The following SARNP variants were observed in gnomAD, a reference collection of about 807,000 sequenced individuals.
The protein encoded by SARNP is SAP domain containing ribonucleoprotein.
SARNP carries 5 observed loss-of-function variants against 38.1 expected under a neutral mutation model. That is an observed-to-expected ratio of 0.13 (90% CI 0.07 to 0.28). The LOEUF (loss-of-function observed/expected upper bound fraction) is 0.28, where lower values mean the gene tolerates loss of function less well. SARNP is among the 10% of genes least tolerant of loss of function. The pLI is 1.00. For synonymous variants in SARNP, 84 were observed against 80.6 expected (o/e 1.04, Z -0.23); for missense variants, 180 against 243.9 (o/e 0.74, Z 1.75).
At chr12:55,793,931 TAA>T (rs1000305619) in intron 7 of SARNP, 2 of 180,072 alleles carry the variant, frequency 1.1e-5, no homozygotes, top group African/African-American at 4.8e-5. Context: ...TCCCTGAGGC[TAA>T]GTCTTTATGC....
intron 7 of SARNP, chr12:55,792,535 C>CTTTTTTTTTTTTTT (rs71074859): frequency 6.8e-5 from 7 of 103,188 alleles, no homozygotes; most frequent in Admixed American, 2.5e-4. Flanking sequence ...CCACACCCAG[C>CTTTTTTTTTTTTTT]TTTTTTTTTT....
chr12:55,781,916 A>T (rs552774154), intron 9 of SARNP, among the ~76,000 whole-genome samples: 2 of 152,234 alleles, frequency 1.3e-5, no homozygotes, highest in African/African-American at 4.8e-5. Flanking sequence ...GGGTCTTATT[A>T]TGTTGCCCAG....
At chr12:55,777,431 G>A (rs1158135013) in intron 9 of SARNP, among the ~76,000 whole-genome samples, 1 of 150,860 alleles carries the variant, frequency 6.6e-6, no homozygotes, top group Non-Finnish European at 1.5e-5. Context: ...CTGGAGTGCA[G>A]TGGCACCATC....
downstream of SARNP, chr12:55,756,455 C>G (rs1381858875): frequency 1.3e-5 from 2 of 152,128 alleles, no homozygotes; most frequent in South Asian, 2.1e-4. Context: ...TCATTAAGCA[C>G]AAAACCAGGC....
intron 9 of SARNP, among the ~76,000 whole-genome samples, chr12:55,770,538 C>A (rs541925459): frequency 6.6e-6 from 1 of 151,980 alleles, no homozygotes; most frequent in Admixed American, 6.6e-5. Context: ...CACGCCCAGC[C>A]TATAACTAGA....
At chr12:55,788,874 C>G (rs1053608367) in intron 9 of SARNP, among the ~76,000 whole-genome samples, 3 of 152,096 alleles carry the variant, frequency 2.0e-5, no homozygotes, top group African/African-American at 7.2e-5. Flanking sequence ...GAAAACAATC[C>G]ACGGGAAAAA....
rs558807428 is a variant in SARNP at position 55,770,384 on chromosome 12, G to A, written c.502-9744C>T. The stretch of plus-strand genomic sequence containing the variant: ...GGGACTTACAGGCGCCCACCACCAC[G>A]CCCAGCTAGGTTTTTTTTTTTTTTT... On this transcript the variant is annotated intron_variant, in intron 9 of 10. Coordinates refer to ENST00000336133, the MANE Select transcript of SARNP (RefSeq NM_033082.4). Among the ~76,000 whole-genome samples, 9 of 149,374 alleles carry A rather than the reference G, an allele frequency of 6.0e-5. No homozygotes were observed. The East Asian group carries it at 1.4e-3, about 23-fold the overall frequency.
chr12:55,805,097 A>G (rs1191520509), intron 1 of SARNP, among the ~76,000 whole-genome samples: 2 of 151,892 alleles, frequency 1.3e-5, no homozygotes, highest in African/African-American at 4.8e-5. Flanking sequence ...CCCCGTCTCT[A>G]CTAAAAATAC....
chr12:55,755,782 G>A (rs1033918217), downstream of SARNP: 1 of 130,952 alleles, frequency 7.6e-6, no homozygotes, highest in Non-Finnish European at 1.5e-5. Context: ...GGATGAAAGA[G>A]GTTAATAAGA....
chr12:55,766,772 G>C (rs1286671835), intron 9 of SARNP, among the ~76,000 whole-genome samples: 3 of 152,122 alleles, frequency 2.0e-5, no homozygotes, highest in Non-Finnish European at 4.4e-5. Context: ...ACAGGCGCAA[G>C]CCAACACGCC....
At chr12:55,759,288 T>C (rs1878603555) in intron 10 of SARNP, among the ~76,000 whole-genome samples, 1 of 152,220 alleles carries the variant, frequency 6.6e-6, no homozygotes, top group South Asian at 2.1e-4. Context: ...TCCCTTTTTA[T>C]ACAGAATCGT....
chr12:55,763,663 G>A (rs1298109082), intron 9 of SARNP, among the ~76,000 whole-genome samples: 3 of 152,022 alleles, frequency 2.0e-5, no homozygotes, highest in Non-Finnish European at 4.4e-5. Context: ...ATGTTTCCCA[G>A]GCTAGTCTTG....
chr12:55,790,682 CT>C (rs1879639773), intron 7 of SARNP, 90 bp from the exon 8 acceptor site: 2 of 1,244,180 alleles, frequency 1.6e-6, no homozygotes, highest in African/African-American at 1.6e-5. Flanking sequence ...TAAAAACATC[CT>C]TTATCCTATG....
At chr12:55,786,922 C>G (rs985425601) in intron 9 of SARNP, among the ~76,000 whole-genome samples, 2 of 152,076 alleles carry the variant, frequency 1.3e-5, no homozygotes, top group Non-Finnish European at 2.9e-5. Flanking sequence ...TGCTGTATTT[C>G]TAGTTAATAT....
chr12:55,784,765 T>C (rs1879441140), intron 9 of SARNP, among the ~76,000 whole-genome samples: 1 of 152,206 alleles, frequency 6.6e-6, no homozygotes, highest in Non-Finnish European at 1.5e-5. Context: ...AGTGCTGGTG[T>C]AGACAGCAAA....
intron 1 of SARNP, among the ~76,000 whole-genome samples, chr12:55,814,579 G>A (rs1446264598): frequency 6.6e-6 from 1 of 152,046 alleles, no homozygotes; most frequent in Non-Finnish European, 1.5e-5. Context: ...TTCCAAATGT[G>A]TTAGTATGGG....
rs761987165 is a variant in SARNP, at chr12:55,800,611, T to C, written c.202A>G (p.Ile68Val). 6.8e-6 allele frequency: 11 copies of C among 1,611,974 alleles called. No homozygotes were observed. The highest frequency in any genetic ancestry group is 9.3e-6 in the Non-Finnish European group (11 of 1,179,142). ...DETEEEETKP[I>V]ELPVKEEEPP... ...TCTTCCTCTTTGACAGGGAGCTCAA[T>C]GGGCTTTGTTTCTTCTTCCTAAAAC... The change falls in exon 4 of 11, where the codon ATT becomes GTT. Residue 68 changes from isoleucine (I) to valine (V), a missense_variant. Around this residue, in one of 2 missense-constraint regions of SARNP, gnomAD observed 161 missense variants for 194.1 expected, o/e 0.83. Coordinates refer to ENST00000336133, the MANE Select transcript of SARNP (RefSeq NM_033082.4).
At chr12:55,799,324 T>G (rs767790538) in intron 4 of SARNP, among the ~76,000 whole-genome samples, 1 of 152,200 alleles carries the variant, frequency 6.6e-6, no homozygotes, top group Non-Finnish European at 1.5e-5. Flanking sequence ...GCTCTTAATG[T>G]ACTATAGTAC....
At chr12:55,805,392 G>C (rs1880108481) in intron 1 of SARNP, among the ~76,000 whole-genome samples, 1 of 152,052 alleles carries the variant, frequency 6.6e-6, no homozygotes, top group Admixed American at 6.6e-5. Flanking sequence ...CTCTACTGAG[G>C]AACATGGTAG....
Sources: allele counts gnomAD v4.1 joint callset (sites outside exome capture counted in the v4.1 genomes callset), GRCh38; gene constraint gnomAD v4.1.1; regional missense constraint gnomAD v4.1.1; transcripts MANE v1.5; gene names NCBI Gene and HGNC (gene_info 2026-07-23, HGNC 2026-07-21).